The following TRPM3 variants were observed in gnomAD, a reference collection of about 807,000 sequenced individuals.
TRPM3 encodes the protein transient receptor potential cation channel subfamily M member 3, also known as long transient receptor potential channel 3.
A neutral mutation model predicts 181.2 loss-of-function variants in TRPM3; 77 were observed. That is an observed-to-expected ratio of 0.42 (90% CI 0.35 to 0.51). TRPM3 has a LOEUF of 0.51. TRPM3 is among the 20% of genes least tolerant of loss of function. The pLI, the probability that TRPM3 is intolerant of heterozygous loss-of-function variation, is 0.01. For synonymous variants in TRPM3, 745 were observed against 796.4 expected (o/e 0.94, Z 1.09); for missense variants, 1,759 against 2,196.7 (o/e 0.80, Z 3.98).
intron 1 of TRPM3, among the ~76,000 whole-genome samples, chr9:70,948,929 C>G (rs764843885): frequency 6.6e-6 from 1 of 152,112 alleles, no homozygotes; most frequent in East Asian, 1.9e-4. Context: ...TACAGACAGG[C>G]CTGCTGTTTT....
intron 1 of TRPM3, among the ~76,000 whole-genome samples, chr9:71,268,890 GATATT>G (rs1189335205): frequency 2.0e-5 from 3 of 152,120 alleles, no homozygotes; most frequent in African/African-American, 7.2e-5. Context: ...CAGGGAAAGT[GATATT>G]TGCACTAAAC....
intron 8 of TRPM3, among the ~76,000 whole-genome samples, chr9:70,744,539 GTTATTA>G (rs935841223): frequency 6.6e-6 from 1 of 151,692 alleles, no homozygotes; most frequent in South Asian, 2.1e-4. Context: ...GATGAAAGGT[GTTATTA>G]TTATTATTAT....
At chr9:71,040,645 AT>A (rs2058715001) in intron 1 of TRPM3, among the ~76,000 whole-genome samples, 1 of 152,214 alleles carries the variant, frequency 6.6e-6, no homozygotes, top group South Asian at 2.1e-4. Context: ...GGAATAGGAT[AT>A]TTACATCATT....
At chr9:71,297,544 A>T (rs1278986458) in intron 1 of TRPM3, among the ~76,000 whole-genome samples, 1 of 152,150 alleles carries the variant, frequency 6.6e-6, no homozygotes, top group Non-Finnish European at 1.5e-5. Context: ...GGAGAATGAG[A>T]TCGGAATGAA....
rs116372274 is a variant in TRPM3, at chr9:71,318,924, C to T, written c.183+127729G>A. Among the ~76,000 whole-genome samples, 680 of 147,502 alleles carry T rather than the reference C, an allele frequency of 4.6e-3. 9 individuals carry two copies. The highest frequency in any genetic ancestry group is 0.016 in the African/African-American group (652 of 40,644). ...CTATCCCAGATCCCTCTCCCAGCCC[C>T]CTGCCCCAGTCCCCAGCTCCAAGCA... is the stretch of plus-strand genomic sequence containing the variant. On this transcript the variant is annotated intron_variant, in intron 1 of 24. Transcript: ENST00000357533.
chr9:71,358,545 C>T (rs1354728699), intron 1 of TRPM3, among the ~76,000 whole-genome samples: 1 of 152,186 alleles, frequency 6.6e-6, no homozygotes, highest in African/African-American at 2.4e-5. Context: ...TCTCTGTTCT[C>T]TTCACATTAA....
intron 1 of TRPM3, among the ~76,000 whole-genome samples, chr9:71,104,423 G>A (rs796423138): frequency 3.4e-4 from 51 of 152,210 alleles, no homozygotes; most frequent in African/African-American, 1.2e-3. Context: ...AAAACATATC[G>A]AATGCTTCTC....
chr9:70,670,324 A>T lies in TRPM3; in HGVS notation c.1345+11182T>A, dbSNP rs112729789. Among the ~76,000 whole-genome samples, 4 of 152,362 alleles carry T rather than the reference A, an allele frequency of 2.6e-5. 1 individual carries two copies. The highest frequency in any genetic ancestry group is 9.6e-5 in the African/African-American group (4 of 41,582). On this transcript the variant is annotated intron_variant, in intron 9 of 25. Coordinates refer to ENST00000677713, the MANE Select transcript of TRPM3 (RefSeq NM_001366145.2). ...TGTGAAAATTAATGATAAAACTTGTATAAACATGCTCTGTGAATTATAAAG... is the reference window on the plus strand; with the variant it reads ...TGTGAAAATTAATGATAAAACTTGTTTAAACATGCTCTGTGAATTATAAAG...
Position 70,843,051 on chromosome 9 carries a change from A to G in TRPM3, c.753T>C (p.Ile251=), listed in dbSNP as rs148651909. Residue 251 remains isoleucine, a synonymous_variant, in exon 5 of 26, where the codon ATT becomes ATC. Coordinates refer to ENST00000677713, the MANE Select transcript of TRPM3 (RefSeq NM_001366145.2). ...KSRGKICTIG[I]APWGIVENQE... is the part of the protein sequence containing the mutation. The stretch of plus-strand genomic sequence containing the variant: ...GGTTTTCCACAATTCCCCAGGGGGC[A>G]ATACCTATGGTGCATATCTTTCCTC... 3.0e-4 allele frequency: 487 copies of G among 1,613,848 alleles called. 2 individuals carry two copies. The African/African-American group carries it at 5.6e-3, about 19-fold the overall frequency.
chr9:71,279,034 T>TA (rs200421016), intron 1 of TRPM3, among the ~76,000 whole-genome samples: 18 of 47,486 alleles, frequency 3.8e-4, no homozygotes, highest in African/African-American at 1.0e-3. Context: ...CCTGCTTAGG[T>TA]TAAAAAAAAT....
At chr9:71,446,408 G>T (rs2094204355) in intron 1 of TRPM3, among the ~76,000 whole-genome samples, 1 of 152,022 alleles carries the variant, frequency 6.6e-6, no homozygotes, top group Non-Finnish European at 1.5e-5. Flanking sequence ...CTCGCCTCTC[G>T]AACATGTTTT....
chr9:70,891,778 T>C (rs1564699662), intron 1 of TRPM3, among the ~76,000 whole-genome samples: 1 of 152,138 alleles, frequency 6.6e-6, no homozygotes, highest in Non-Finnish European at 1.5e-5. Flanking sequence ...TCTGATTTAA[T>C]CCTAATGACA....
intron 1 of TRPM3, among the ~76,000 whole-genome samples, chr9:71,435,812 T>G (rs576211540): frequency 6.6e-6 from 1 of 152,280 alleles, no homozygotes; most frequent in Admixed American, 6.5e-5. Flanking sequence ...AATAAAGAGA[T>G]GGTTTTCAAT....
At chr9:71,165,645 G>T (rs2076504174) in intron 1 of TRPM3, among the ~76,000 whole-genome samples, 1 of 152,090 alleles carries the variant, frequency 6.6e-6, no homozygotes, top group Non-Finnish European at 1.5e-5. Flanking sequence ...GTAGAATGAG[G>T]AACCTAAAGG....
At chr9:71,146,277 C>T (rs953272787) in intron 1 of TRPM3, among the ~76,000 whole-genome samples, 1 of 152,100 alleles carries the variant, frequency 6.6e-6, no homozygotes, top group African/African-American at 2.4e-5. Context: ...ACCGTGGTGC[C>T]GTTTGCAGTT....
intron 22 of TRPM3, among the ~76,000 whole-genome samples, chr9:70,573,155 C>T (rs953892164): frequency 2.0e-5 from 3 of 152,144 alleles, no homozygotes; most frequent in Non-Finnish European, 4.4e-5. Context: ...GTGAAGTGGT[C>T]AGATGCTTAC....
Position 70,686,347 on chromosome 9 carries a change from C to A in TRPM3, c.1273-4769G>T, listed in dbSNP as rs185144382. ...TTTCAATCTTTTGCTATTACAAACG[C>A]CATTGCAGTGAATATCTGTATATGC... On this transcript the variant is annotated intron_variant, in intron 8 of 25. Coordinates refer to ENST00000677713, the MANE Select transcript of TRPM3 (RefSeq NM_001366145.2). Among the ~76,000 whole-genome samples, 7 of 152,276 alleles carry A rather than the reference C, an allele frequency of 4.6e-5. No homozygotes were observed. The East Asian group carries it at 1.3e-3, about 29-fold the overall frequency.
chr9:71,263,818 T>A (rs2083216228), intron 1 of TRPM3, among the ~76,000 whole-genome samples: 1 of 152,132 alleles, frequency 6.6e-6, no homozygotes, highest in Admixed American at 6.5e-5. Flanking sequence ...CTCACTTTGT[T>A]GCCCAAGCTG....
At chr9:71,348,148 T>G (rs1424025693) in intron 1 of TRPM3, among the ~76,000 whole-genome samples, 1 of 152,212 alleles carries the variant, frequency 6.6e-6, no homozygotes, top group Non-Finnish European at 1.5e-5. Flanking sequence ...ATTGAGAATT[T>G]AAAAGTTACA....
Sources: gnomAD v4.1 joint callset for allele counts (sites outside exome capture counted in the v4.1 genomes callset) on GRCh38, gnomAD v4.1.1 for gene constraint, MANE v1.5 for transcripts, NCBI Gene and HGNC (gene_info 2026-07-23, HGNC 2026-07-21) for gene names.